Variants in DLGAP2 observed in about 807,000 individuals in gnomAD.
DLGAP2 encodes disks large-associated protein 2.
A neutral mutation model predicts 100.3 loss-of-function variants in DLGAP2; 26 were observed. The observed-to-expected ratio is 0.26, with a 90% CI of 0.19 to 0.36. The LOEUF (loss-of-function observed/expected upper bound fraction) is 0.36, where lower values mean the gene tolerates loss of function less well. Among genes scored for constraint, DLGAP2 ranks in the 10% least tolerant of loss-of-function variants. DLGAP2 has a pLI of 1.00. For synonymous variants in DLGAP2, 886 were observed against 630.1 expected (o/e 1.41, Z -6.08); for missense variants, 1,858 against 1,453.2 (o/e 1.28, Z -4.53).
At chr8:770,649 C>T (rs942691185) in intron 1 of DLGAP2, among the ~76,000 whole-genome samples, 11 of 152,048 alleles carry the variant, frequency 7.2e-5, no homozygotes, top group South Asian at 4.1e-4. Flanking sequence ...GATTCGGTGG[C>T]GTCTCTCCTT....
At chr8:1,390,178 G>A (rs1796317678) in intron 3 of DLGAP2, among the ~76,000 whole-genome samples, 1 of 147,242 alleles carries the variant, frequency 6.8e-6, no homozygotes, top group Non-Finnish European at 1.5e-5. Flanking sequence ...CTCTCCAGAT[G>A]TAAACCAAAC....
At chr8:1,001,394 G>A (rs1800951371) in intron 2 of DLGAP2, among the ~76,000 whole-genome samples, 1 of 152,054 alleles carries the variant, frequency 6.6e-6, no homozygotes, top group South Asian at 2.1e-4. Flanking sequence ...ATCCTTTTTA[G>A]GCCAACATTT....
At chr8:1,163,300 G>GC (rs1276120289) in intron 2 of DLGAP2, among the ~76,000 whole-genome samples, 2 of 152,210 alleles carry the variant, frequency 1.3e-5, no homozygotes, top group Admixed American at 1.3e-4. Flanking sequence ...ACGGGACCAC[G>GC]CGGGCTGTGC....
intron 3 of DLGAP2, among the ~76,000 whole-genome samples, chr8:1,434,695 C>T (rs529999805): frequency 5.9e-5 from 9 of 152,248 alleles, no homozygotes; most frequent in African/African-American, 1.9e-4. Context: ...TGGCTGATCT[C>T]GAACTCCAGA....
intron 1 of DLGAP2, among the ~76,000 whole-genome samples, chr8:840,744 C>T (rs531962794): frequency 2.6e-5 from 4 of 150,988 alleles, no homozygotes; most frequent in East Asian, 3.9e-4. Flanking sequence ...CACGCCTGCA[C>T]GTTTCCCCAC....
In DLGAP2 at chr8:1,188,377, ATC is replaced by A. The variant is rs986585570; in HGVS notation, c.74-70471_74-70470del. On this transcript the variant is annotated intron_variant, in intron 2 of 14. Coordinates refer to ENST00000637795, the MANE Select transcript of DLGAP2 (RefSeq NM_001346810.2). ...ACCTCCGTGACGTTTGCCTCACGGA[ATC>A]TCACACACCCGGGACCTCCATGACA... is the stretch of plus-strand genomic sequence containing the variant. Among the ~76,000 whole-genome samples, 4 of 136,862 alleles carry A rather than the reference ATC, an allele frequency of 2.9e-5. 1 individual carries two copies. Among genetic ancestry groups the A allele is most frequent in the African/African-American group, 9.4e-5 (3 of 31,796 alleles). 89.8% of individuals were successfully genotyped at this position (136,862 alleles called of 152,430 possible). A position where few individuals can be genotyped will look rare whatever the true frequency, so the allele number is the denominator to read the frequency against.
chr8:886,735 G>C lies in DLGAP2; in HGVS notation c.19-21177G>C, dbSNP rs191429071. 2.7e-4 allele frequency among the ~76,000 whole-genome samples: 41 copies of C among 152,294 alleles called. No individual in the cohort carries two copies. In the East Asian group the frequency reaches 7.3e-3, roughly 27 times the overall value. On this transcript the variant is annotated intron_variant, in intron 1 of 14. Coordinates refer to ENST00000637795, the MANE Select transcript of DLGAP2 (RefSeq NM_001346810.2). ...ATTTGATTGCACTGTGGTCTGGAGA[G>C]ACTGTTATGATTTCAGTTCTTTTGC...
At chr8:1,535,313 C>G (rs1020964641) in intron 4 of DLGAP2, among the ~76,000 whole-genome samples, 3 of 152,202 alleles carry the variant, frequency 2.0e-5, no homozygotes, top group Non-Finnish European at 4.4e-5. Flanking sequence ...CTGACAAACT[C>G]CTGCCCTCAG....
intron 3 of DLGAP2, among the ~76,000 whole-genome samples, chr8:1,314,086 T>C (rs1800673105): frequency 6.6e-6 from 1 of 152,260 alleles, no homozygotes; most frequent in African/African-American, 2.4e-5. Flanking sequence ...GAGTTACTGC[T>C]GACTTAATTA....
At chr8:876,117 A>G (rs550779054) in intron 1 of DLGAP2, among the ~76,000 whole-genome samples, 5 of 152,298 alleles carry the variant, frequency 3.3e-5, no homozygotes, top group African/African-American at 1.2e-4. Flanking sequence ...TAGGTCCACC[A>G]AGCTTTTTCA....
At chr8:1,567,979 A>G (rs1031922978) in intron 6 of DLGAP2, among the ~76,000 whole-genome samples, 1 of 152,178 alleles carries the variant, frequency 6.6e-6, no homozygotes, top group African/African-American at 2.4e-5. Flanking sequence ...CTCCTGTTCT[A>G]AACACAAATC....
At position 997,315 on chromosome 8, in the gene DLGAP2, A is replaced by T. The variant is rs536136488; in HGVS notation, c.73+89349A>T. Among the ~76,000 whole-genome samples the T allele has an allele frequency of 5.8e-4, 89 of 152,380 alleles. No homozygotes were observed. In the South Asian group the frequency reaches 0.014, roughly 23 times the overall value. ...AAATTACAAAATATTACATTCAAAAATGCTATTTAAATATCTGGGGAGCCC... is the reference window on the plus strand; with the variant it reads ...AAATTACAAAATATTACATTCAAAATTGCTATTTAAATATCTGGGGAGCCC... On this transcript the variant is annotated intron_variant, in intron 2 of 14. Coordinates refer to ENST00000637795, the MANE Select transcript of DLGAP2 (RefSeq NM_001346810.2).
At chr8:831,138 T>A (rs1207322302) in intron 1 of DLGAP2, among the ~76,000 whole-genome samples, 1 of 151,966 alleles carries the variant, frequency 6.6e-6, no homozygotes, top group African/African-American at 2.4e-5. Context: ...CATCAGGTGA[T>A]CTGCTGGCCT....
chr8:1,175,152 T>TA (rs1379975441), intron 2 of DLGAP2, among the ~76,000 whole-genome samples: 3 of 152,202 alleles, frequency 2.0e-5, no homozygotes, highest in African/African-American at 7.2e-5. Context: ...TGTTAAATGT[T>TA]AAAATTTATC....
chr8:1,510,242 C>G (rs1800111896), intron 4 of DLGAP2, among the ~76,000 whole-genome samples: 2 of 152,306 alleles, frequency 1.3e-5, no homozygotes, highest in East Asian at 3.9e-4. Flanking sequence ...TGGACAACAG[C>G]GATAACTTGC....
At chr8:1,417,526 C>G (rs1796936761) in intron 3 of DLGAP2, among the ~76,000 whole-genome samples, 1 of 152,162 alleles carries the variant, frequency 6.6e-6, no homozygotes, top group South Asian at 2.1e-4. Flanking sequence ...GTACATAGCA[C>G]AGGTGTGAAT....
At chr8:1,176,030 A>G (rs987548297) in intron 2 of DLGAP2, among the ~76,000 whole-genome samples, 1 of 152,204 alleles carries the variant, frequency 6.6e-6, no homozygotes. Flanking sequence ...ATCTTCCCAG[A>G]TGGATAAGCC....
intron 2 of DLGAP2, among the ~76,000 whole-genome samples, chr8:1,156,887 T>A (rs1295361442): frequency 6.6e-6 from 1 of 152,216 alleles, no homozygotes; most frequent in Admixed American, 6.5e-5. Context: ...ATGAGGAGGC[T>A]GACTCAGGAA....
chr8:1,176,290 C>T (rs551176171), intron 2 of DLGAP2, among the ~76,000 whole-genome samples: 6 of 152,276 alleles, frequency 3.9e-5, no homozygotes, highest in Admixed American at 1.3e-4. Flanking sequence ...TGGGGAAAAC[C>T]GTCCCTGTGA....
Sources: allele counts gnomAD v4.1 joint callset (sites outside exome capture counted in the v4.1 genomes callset), GRCh38; gene constraint gnomAD v4.1.1; transcripts MANE v1.5; gene names NCBI Gene and HGNC (gene_info 2026-07-23, HGNC 2026-07-21).